Variants in GRK5 observed in about 807,000 individuals in gnomAD.
GRK5 encodes g protein-coupled receptor kinase GRK5.
A neutral mutation model predicts 78.4 loss-of-function variants in GRK5; 40 were observed. The observed-to-expected ratio is 0.51, with a 90% CI of 0.40 to 0.66. The LOEUF (loss-of-function observed/expected upper bound fraction) is 0.66, where lower values mean the gene tolerates loss of function less well. Ranked by LOEUF, GRK5 falls within the 30% of genes least tolerant of loss-of-function variation. The pLI is 0.00. For synonymous variants in GRK5, 289 were observed against 296.8 expected, an observed-to-expected ratio of 0.97 and a Z score of 0.27; for missense variants, 598 against 759.9, an observed-to-expected ratio of 0.79 and a Z score of 2.50.
intron 1 of GRK5, among the ~76,000 whole-genome samples, chr10:119,215,943 A>AT (rs1167328780): frequency 1.3e-5 from 2 of 152,176 alleles, no homozygotes; most frequent in African/African-American, 4.8e-5. Flanking sequence ...AAGGGTTTTC[A>AT]TTTTTTCTGA....
At chr10:119,234,754 A>G (rs912144914) in intron 1 of GRK5, among the ~76,000 whole-genome samples, 5 of 151,302 alleles carry the variant, frequency 3.3e-5, no homozygotes, top group African/African-American at 1.2e-4. Flanking sequence ...GTGCAGTGGC[A>G]CGATCTCGGC....
chr10:119,394,784 C>CGTGTATGTTTGG (rs1852011811), intron 3 of GRK5, among the ~76,000 whole-genome samples: 1 of 49,736 alleles, frequency 2.0e-5, no homozygotes, highest in African/African-American at 8.4e-5. Context: ...TGTGTGGGCA[C>CGTGTATGTTTGG]GTGTATGTTT....
At position 119,431,056 on chromosome 10, in the gene GRK5, G is replaced by A. The variant is rs113475770; in HGVS notation, c.598-331G>A. On this transcript the variant is annotated intron_variant, in intron 7 of 15. Coordinates refer to ENST00000392870, the MANE Select transcript of GRK5 (RefSeq NM_005308.3). This position sits in a 1 kb window ranked among gnomAD's most constrained non-coding sequence, Gnocchi z 4.8. Reference sequence around the variant, plus strand: ...AAAACAAACTTCTCTACCGGCAGCCGGTAGGAGAAAATCCTGTTGCCCTGG... The same window carrying A: ...AAAACAAACTTCTCTACCGGCAGCCAGTAGGAGAAAATCCTGTTGCCCTGG... Among the ~76,000 whole-genome samples, 45 of 152,316 alleles carry A rather than the reference G, an allele frequency of 3.0e-4. No individual in the cohort carries two copies. The highest frequency in any genetic ancestry group is 9.6e-4 in the African/African-American group (40 of 41,566).
In GRK5 at chr10:119,386,811, G is replaced by A. The variant is rs528448865; in HGVS notation, c.261+5884G>A. Reference sequence around the variant, plus strand: ...TCCGTTTTTTCTTCCATCCTGACTGGAACCCAGAGGAGGGAGGAGGTGGCG... The same window carrying A: ...TCCGTTTTTTCTTCCATCCTGACTGAAACCCAGAGGAGGGAGGAGGTGGCG... On this transcript the variant is annotated intron_variant, in intron 3 of 15. Transcript: ENST00000392870. Among the ~76,000 whole-genome samples the A allele has an allele frequency of 5.3e-5, 8 of 152,266 alleles. No individual in the cohort carries two copies. The South Asian group carries it at 1.2e-3, about 24-fold the overall frequency.
intron 2 of GRK5, among the ~76,000 whole-genome samples, chr10:119,373,807 A>G (rs923919604): frequency 2.0e-5 from 3 of 152,214 alleles, no homozygotes; most frequent in African/African-American, 7.2e-5. Context: ...GGTTGCCACA[A>G]ACCTTCAATT....
At chr10:119,441,940 C>A in intron 10 of GRK5, 59 bp from the exon 11 acceptor site, 1 of 1,408,368 alleles carries the variant, frequency 7.1e-7, no homozygotes, top group Non-Finnish European at 1.0e-6. Flanking sequence ...GGGCACACAG[C>A]AAGGCCGGGT....
intron 9 of GRK5, 133 bp downstream of exon 9, chr10:119,436,974 C>G (rs1852933738): frequency 4.7e-6 from 4 of 844,914 alleles, no homozygotes; most frequent in Non-Finnish European, 7.1e-6. Context: ...GATGCAGAGT[C>G]AGACAGACTT....
intron 1 of GRK5, among the ~76,000 whole-genome samples, chr10:119,310,534 T>TA (rs773496504): frequency 7.2e-5 from 11 of 152,230 alleles, no homozygotes; most frequent in Non-Finnish European, 1.3e-4. Flanking sequence ...AAAAATACAT[T>TA]AAAAAATTAT....
At chr10:119,407,831 C>G (rs1256389361) in intron 4 of GRK5, among the ~76,000 whole-genome samples, 1 of 152,100 alleles carries the variant, frequency 6.6e-6, no homozygotes. Context: ...TGAGACCTAC[C>G]TGGGCAACAC....
chr10:119,384,253 G>A (rs755140572), intron 3 of GRK5, among the ~76,000 whole-genome samples: 4 of 152,158 alleles, frequency 2.6e-5, no homozygotes, highest in Non-Finnish European at 4.4e-5. Context: ...AGGCCCTCCC[G>A]ATCTCCCTCT....
At position 119,430,545 on chromosome 10, in the gene GRK5, C is replaced by A; in HGVS notation, c.597+107C>A. 1 of 962,390 alleles carries A rather than the reference C, an allele frequency of 1.0e-6. No individual in the cohort carries two copies. The highest frequency in any genetic ancestry group is 1.6e-6 in the Non-Finnish European group (1 of 631,442). 59.6% of individuals were successfully genotyped at this position (962,390 alleles called of 1,614,324 possible). A position where few individuals can be genotyped will look rare whatever the true frequency, so the allele number is the denominator to read the frequency against. ...TTGGCCCACGGGTCCCCCGGGGGCA[C>A]CAGTGGCTCAATGTGGGCCCCGGGG... On this transcript the variant is annotated intron_variant, in intron 7 of 15. Transcript: ENST00000392870. The surrounding 1 kb of genome is among the most constrained non-coding windows in gnomAD (Gnocchi z 4.5).
chr10:119,330,120 C>T (rs1286293111), intron 2 of GRK5: 2 of 152,156 alleles, frequency 1.3e-5, no homozygotes, highest in Admixed American at 6.5e-5. Context: ...ATCTTGGTCT[C>T]TCAAAGTGTT....
chr10:119,318,893 A>G (rs1589741961), intron 1 of GRK5, among the ~76,000 whole-genome samples: 1 of 152,056 alleles, frequency 6.6e-6, no homozygotes, highest in African/African-American at 2.4e-5. Flanking sequence ...CTCTTCTCCC[A>G]TGGCAGTTTT....
chr10:119,389,762 A>G (rs1402509079), intron 3 of GRK5, among the ~76,000 whole-genome samples: 1 of 152,026 alleles, frequency 6.6e-6, no homozygotes, highest in Admixed American at 6.6e-5. Context: ...CATGTTTCCT[A>G]CACTGGAACA....
At chr10:119,399,269 C>G (rs560718240) in intron 4 of GRK5, among the ~76,000 whole-genome samples, 3 of 152,230 alleles carry the variant, frequency 2.0e-5, no homozygotes, top group African/African-American at 7.2e-5. Context: ...TCAGCTGTTT[C>G]CCTACAATAA....
intron 1 of GRK5, among the ~76,000 whole-genome samples, chr10:119,237,997 G>A (rs1316977681): frequency 2.6e-5 from 4 of 151,872 alleles, no homozygotes; most frequent in Admixed American, 2.6e-4. Flanking sequence ...AGGGCTCTAA[G>A]CCTTGCTTCT....
At chr10:119,332,252 G>A (rs1172784235) in intron 2 of GRK5, among the ~76,000 whole-genome samples, 2 of 151,872 alleles carry the variant, frequency 1.3e-5, no homozygotes, top group African/African-American at 2.4e-5. Context: ...GACTACAAAC[G>A]TGCACTACCA....
At chr10:119,233,860 C>T (rs1324191825) in intron 1 of GRK5, among the ~76,000 whole-genome samples, 1 of 152,158 alleles carries the variant, frequency 6.6e-6, no homozygotes, top group African/African-American at 2.4e-5. Context: ...CCTGGCTGCC[C>T]TTGTGAGACT....
intron 2 of GRK5, among the ~76,000 whole-genome samples, chr10:119,361,904 T>C (rs1192527687): frequency 7.2e-6 from 1 of 138,884 alleles, no homozygotes; most frequent in Non-Finnish European, 1.5e-5. Context: ...GAGGTTGCAG[T>C]GAGCCGAGGT....
Sources: gnomAD v4.1 joint callset for allele counts (sites outside exome capture counted in the v4.1 genomes callset) on GRCh38, gnomAD v4.1.1 for gene constraint, Gnocchi (gnomAD v3.1) non-coding constraint, MANE v1.5 for transcripts, NCBI Gene and HGNC (gene_info 2026-07-23, HGNC 2026-07-21) for gene names.